Variants in PTGR3 observed in about 807,000 individuals in gnomAD.
The protein encoded by PTGR3 is zinc binding alcohol dehydrogenase domain containing 2.
the PTGR3 span, chr18:75,201,380 T>C: frequency 6.5e-7 from 1 of 1,548,124 alleles, no homozygotes; most frequent in Non-Finnish European, 8.8e-7. Flanking sequence ...AAGTGCCCAT[T>C]TTCTTTCTCC....
the PTGR3 span, among the ~76,000 whole-genome samples, chr18:75,203,677 A>G: frequency 4.9e-3 from 753 of 152,286 alleles, 2 homozygotes; most frequent in African/African-American, 0.015. Flanking sequence ...AAGATACACA[A>G]TCATGAGAAG....
At chr18:75,205,843 C>G in the PTGR3 span, among the ~76,000 whole-genome samples, 2 of 152,072 alleles carry the variant, frequency 1.3e-5, no homozygotes, top group African/African-American at 2.4e-5. Context: ...GGAGAGTCAG[C>G]AGAAAACACT....
the PTGR3 span, among the ~76,000 whole-genome samples, chr18:75,203,007 C>T: frequency 5.9e-5 from 9 of 152,270 alleles, no homozygotes; most frequent in East Asian, 1.3e-3. Context: ...TGTGAAAATA[C>T]GCATTTTGAT....
the PTGR3 span, chr18:75,199,723 C>T: frequency 1.3e-5 from 2 of 152,574 alleles, no homozygotes; most frequent in African/African-American, 2.4e-5. Flanking sequence ...CGCATCAGGC[C>T]GCTACCCTTC....
the PTGR3 span, chr18:75,201,301 TTTTG>T: frequency 2.1e-6 from 2 of 938,386 alleles, no homozygotes; most frequent in Non-Finnish European, 3.1e-6. Context: ...AACACCTTAC[TTTTG>T]TTTTAAGAAA....
the PTGR3 span, chr18:75,200,071 T>C: frequency 6.6e-6 from 1 of 152,304 alleles, no homozygotes; most frequent in South Asian, 2.1e-4. Context: ...GCATCTTTAA[T>C]TGCGTCCATA....
At chr18:75,205,192 C>CGG in the PTGR3 span, 1 of 985,406 alleles carries the variant, frequency 1.0e-6, no homozygotes, top group African/African-American at 1.7e-5. Flanking sequence ...TGAGTCCTTA[C>CGG]CTCTGCGTGA....
At chr18:75,201,964 C>T in the PTGR3 span, 2 of 1,614,222 alleles carry the variant, frequency 1.2e-6, no homozygotes, top group Non-Finnish European at 1.7e-6. Flanking sequence ...TGGCACTTTG[C>T]CTTCTTTGAA....
At chr18:75,200,710 T>C in the PTGR3 span, 3 of 152,208 alleles carry the variant, frequency 2.0e-5, no homozygotes, top group East Asian at 1.9e-4. Context: ...TTTCTGTCTA[T>C]GTAAGTTTTC....
At chr18:75,202,629 G>T in the PTGR3 span, among the ~76,000 whole-genome samples, 2 of 146,784 alleles carry the variant, frequency 1.4e-5, no homozygotes, top group Non-Finnish European at 3.0e-5. Flanking sequence ...ATTTTCACAT[G>T]CCATTTATTT....
the PTGR3 span, among the ~76,000 whole-genome samples, chr18:75,206,874 T>G: frequency 6.6e-6 from 1 of 152,178 alleles, no homozygotes; most frequent in South Asian, 2.1e-4. Flanking sequence ...GACCACAAAA[T>G]TCAGGGATCC....
the PTGR3 span, chr18:75,208,799 G>C: frequency 7.4e-7 from 1 of 1,350,878 alleles, no homozygotes; most frequent in Non-Finnish European, 9.6e-7. Flanking sequence ...GCGGCGCGGC[G>C]CGAGCCCGGG....
the PTGR3 span, chr18:75,205,297 G>C: frequency 3.0e-6 from 3 of 985,632 alleles, no homozygotes; most frequent in African/African-American, 5.2e-5. Flanking sequence ...AGCAGGGGCG[G>C]AAGGGCCAGG....
the PTGR3 span, chr18:75,202,211 G>A: frequency 6.2e-7 from 1 of 1,614,016 alleles, no homozygotes; most frequent in African/African-American, 1.3e-5. Context: ...CTGTGTATCT[G>A]GCACTAGCAG....
the PTGR3 span, chr18:75,199,253 T>C: frequency 2.2e-4 from 33 of 152,768 alleles, no homozygotes; most frequent in Non-Finnish European, 3.2e-4. Flanking sequence ...AGTTAAAATG[T>C]TGGTCTTTCA....
At chr18:75,207,432 T>C in the PTGR3 span, among the ~76,000 whole-genome samples, 4 of 152,350 alleles carry the variant, frequency 2.6e-5, no homozygotes, top group Non-Finnish European at 5.9e-5. Flanking sequence ...GCGTTCTGTG[T>C]GCTCCACGTG....
the PTGR3 span, chr18:75,209,116 G>A: frequency 1.0e-5 from 14 of 1,368,252 alleles, no homozygotes; most frequent in African/African-American, 1.5e-5. This position sits in a 1 kb window ranked among gnomAD's most constrained non-coding sequence, Gnocchi z 4.7. Flanking sequence ...CCCCCGCCCG[G>A]GCCGCTCGGC....
At chr18:75,204,411 G>A in the PTGR3 span, among the ~76,000 whole-genome samples, 1 of 152,238 alleles carries the variant, frequency 6.6e-6, no homozygotes, top group Non-Finnish European at 1.5e-5. Flanking sequence ...GGCTCTGCTG[G>A]GAGCTGGGGC....
chr18:75,205,337 G>A, the PTGR3 span: 1 of 985,852 alleles, frequency 1.0e-6, no homozygotes. Context: ...AAGACACACT[G>A]GGAAGGATTC....
Sources: gnomAD v4.1 joint callset for allele counts (sites outside exome capture counted in the v4.1 genomes callset) on GRCh38, gnomAD v4.1.1 for gene constraint, Gnocchi (gnomAD v3.1) non-coding constraint, MANE v1.5 for transcripts, NCBI Gene and HGNC (gene_info 2026-07-23, HGNC 2026-07-21) for gene names.